PPM1G: variants seen among roughly 807,000 people sequenced by gnomAD.
The protein encoded by PPM1G is protein phosphatase, Mg2+/Mn2+ dependent 1G.
A neutral mutation model predicts 59.4 loss-of-function variants in PPM1G; 12 were observed. The ratio of observed to expected loss-of-function variants is 0.20; its 90% CI spans 0.13 to 0.33. The LOEUF (loss-of-function observed/expected upper bound fraction) is 0.33, where lower values mean the gene tolerates loss of function less well. Among genes scored for constraint, PPM1G ranks in the 10% least tolerant of loss-of-function variants. The probability of loss-of-function intolerance (pLI) is 1.00; values close to 1 mark genes in which losing one functional copy is unlikely to be tolerated. For missense variants in PPM1G, 392 were observed against 681.3 expected (o/e 0.58, Z 4.73); for synonymous variants, 245 against 251.9 (o/e 0.97, Z 0.26).
Position 27,383,267 on chromosome 2 carries a change from T to C in PPM1G, c.1201+99A>G. On this transcript the variant is annotated intron_variant, in intron 7 of 9. Transcript: ENST00000344034. The surrounding 1 kb of genome is among the most constrained non-coding windows in gnomAD (Gnocchi z 5.0). ...CAGAGGTAGTAGATATTAAAGTGCT[T>C]TGAAAGGCACAAGCACTAGGAAGAT... 1 of 1,077,020 alleles carries C rather than the reference T, an allele frequency of 9.3e-7. No individual in the cohort carries two copies. The highest frequency in any genetic ancestry group is 1.4e-6 in the Non-Finnish European group (1 of 722,520). The allele number at this position is 1,077,020 out of a possible 1,614,324, so 66.7% of individuals were successfully genotyped here.
chr2:27,395,246 A>G (rs1302839808), intron 1 of PPM1G, among the ~76,000 whole-genome samples: 1 of 147,154 alleles, frequency 6.8e-6, no homozygotes, highest in African/African-American at 2.6e-5. Flanking sequence ...AAAAAAAAAA[A>G]AAAAGAAAGA....
chr2:27,383,838 A>T lies in PPM1G; in HGVS notation c.966+114T>A. On this transcript the variant is annotated intron_variant, in intron 6 of 9. Transcript: ENST00000344034. The surrounding 1 kb of genome is among the most constrained non-coding windows in gnomAD (Gnocchi z 5.0). ...TCCCCTTGCAGAATAAATCCCCATGACTATTACTTCCATCCTAAAGTATCA... is the reference window on the plus strand; with the variant it reads ...TCCCCTTGCAGAATAAATCCCCATGTCTATTACTTCCATCCTAAAGTATCA... The T allele has an allele frequency of 6.9e-7, 1 of 1,445,722 alleles. No individual in the cohort carries two copies. The highest frequency in any genetic ancestry group is 9.3e-7 in the Non-Finnish European group (1 of 1,074,744). 89.6% of individuals were successfully genotyped at this position (1,445,722 alleles called of 1,614,324 possible). A position where few individuals can be genotyped will look rare whatever the true frequency, so the allele number is the denominator to read the frequency against.
At position 27,386,868 on chromosome 2, in the gene PPM1G, G is replaced by A. The variant is rs934104782; in HGVS notation, c.190+221C>T. On this transcript the variant is annotated intron_variant, in intron 2 of 9. Coordinates refer to ENST00000344034, the MANE Select transcript of PPM1G (RefSeq NM_177983.3). Reference sequence around the variant, plus strand: ...ATTTTAAAAAATAAAAATAAAAAAAGATAGAGGCTCTTTGGATTAAAACAA... The same window carrying A: ...ATTTTAAAAAATAAAAATAAAAAAAAATAGAGGCTCTTTGGATTAAAACAA... The A allele has an allele frequency of 9.7e-6, 4 of 411,186 alleles. No individual in the cohort carries two copies. In the Admixed American group the frequency reaches 1.2e-4, roughly 13 times the overall value. 25.5% of individuals were successfully genotyped at this position (411,186 alleles called of 1,614,324 possible).
In PPM1G at chr2:27,385,609, G is replaced by T; in HGVS notation, c.409+138C>A. ...CCTTTTCATAACCACATACAATGCA[G>T]GAGAACATCATAGGTTTCTTTAACA... On this transcript the variant is annotated intron_variant, in intron 4 of 9. Coordinates refer to ENST00000344034, the MANE Select transcript of PPM1G (RefSeq NM_177983.3). This position sits in a 1 kb window ranked among gnomAD's most constrained non-coding sequence, Gnocchi z 4.1. 9.1e-7 allele frequency: 1 copy of T among 1,102,916 alleles called. No homozygotes were observed. The highest frequency in any genetic ancestry group is 1.3e-6 in the Non-Finnish European group (1 of 785,906). The allele number at this position is 1,102,916 out of a possible 1,614,324, so 68.3% of individuals were successfully genotyped here. A position where few individuals can be genotyped will look rare whatever the true frequency, so the allele number is the denominator to read the frequency against.
At chr2:27,409,230 CCCAT>C in intron 1 of PPM1G, 69 bp downstream of exon 1, 1 of 1,496,412 alleles carries the variant, frequency 6.7e-7, no homozygotes, top group Non-Finnish European at 8.9e-7. Flanking sequence ...AGGGGAGGAC[CCCAT>C]CCCCCGCTCT....
chr2:27,385,662 C>T lies in PPM1G; in HGVS notation c.409+85G>A. 1 of 1,522,306 alleles carries T rather than the reference C, an allele frequency of 6.6e-7. No homozygotes were observed. Among genetic ancestry groups the T allele is most frequent in the Non-Finnish European group, 8.8e-7 (1 of 1,135,548 alleles). 94.3% of individuals were successfully genotyped at this position (1,522,306 alleles called of 1,614,324 possible). Reference sequence around the variant, plus strand: ...AGGACTCCCCAGGTCCCTAGAAAGCCATCCTATCTTAGAATTGATAAGTAA... The same window carrying T: ...AGGACTCCCCAGGTCCCTAGAAAGCTATCCTATCTTAGAATTGATAAGTAA... On this transcript the variant is annotated intron_variant, in intron 4 of 9. Coordinates refer to ENST00000344034, the MANE Select transcript of PPM1G (RefSeq NM_177983.3). The surrounding 1 kb of genome is among the most constrained non-coding windows in gnomAD (Gnocchi z 4.1).
In PPM1G at chr2:27,382,826, TTTG is replaced by T. The variant is rs1200876676; in HGVS notation, c.1202-224_1202-222del. Among the ~76,000 whole-genome samples, 3 of 114,488 alleles carry T rather than the reference TTTG, an allele frequency of 2.6e-5. No individual in the cohort carries two copies. The highest frequency in any genetic ancestry group is 1.4e-4 in the African/African-American group (3 of 21,918). The allele number at this position is 114,488 out of a possible 152,430, so 75.1% of individuals were successfully genotyped here. ...ACTGGTCTTTTTATTTTAAGTCTTT[TTTG>T]TTTTTTTTTTTTTGAGACGGAGTTT... On this transcript the variant is annotated intron_variant, in intron 7 of 9. Coordinates refer to ENST00000344034, the MANE Select transcript of PPM1G (RefSeq NM_177983.3). The surrounding 1 kb of genome is among the most constrained non-coding windows in gnomAD (Gnocchi z 4.2).
At chr2:27,399,679 T>C (rs987280662) in intron 1 of PPM1G, among the ~76,000 whole-genome samples, 4 of 151,996 alleles carry the variant, frequency 2.6e-5, no homozygotes, top group Non-Finnish European at 4.4e-5. Flanking sequence ...AAATCAAAAC[T>C]ACAATGAGAT....
Position 27,385,167 on chromosome 2 carries a change from T to TTGCAGCCTCTAACTTCCCCA in PPM1G, c.410-99_410-80dup. On this transcript the variant is annotated intron_variant, in intron 4 of 9. Coordinates refer to ENST00000344034, the MANE Select transcript of PPM1G (RefSeq NM_177983.3). The surrounding 1 kb of genome is among the most constrained non-coding windows in gnomAD (Gnocchi z 4.1). ...GTCCCTCTCACTACCTCAACAGCCCTTGCAGCCTCTAACTTCCCCACAACC... is the reference window on the plus strand; with the variant it reads ...GTCCCTCTCACTACCTCAACAGCCCTTGCAGCCTCTAACTTCCCCATGCAGCCTCTAACTTCCCCACAACC... 1.4e-6 allele frequency: 2 copies of TTGCAGCCTCTAACTTCCCCA among 1,470,768 alleles called. No individual in the cohort carries two copies. The highest frequency in any genetic ancestry group is 1.8e-6 in the Non-Finnish European group (2 of 1,108,800). 91.1% of individuals were successfully genotyped at this position (1,470,768 alleles called of 1,614,324 possible).
intron 2 of PPM1G, 95 bp from the exon 3 acceptor site, chr2:27,386,374 G>T: frequency 1.1e-6 from 1 of 877,598 alleles, no homozygotes. Context: ...GAACCCCAAG[G>T]GTTGAGGGGA....
chr2:27,393,152 C>T, intron 1 of PPM1G: 2 of 1,427,258 alleles, frequency 1.4e-6, no homozygotes, highest in Non-Finnish European at 2.0e-6. Context: ...GGTTCTACAG[C>T]TTCATCAATT....
rs370606240 is a variant in PPM1G at position 27,392,615 on chromosome 2, G to T, written c.121-5457C>A. Among the ~76,000 whole-genome samples the T allele has an allele frequency of 1.5e-3, 227 of 150,554 alleles. 5 individuals are homozygous for T. The highest frequency in any genetic ancestry group is 5.2e-3 in the African/African-American group (211 of 40,878). Reference sequence around the variant, plus strand: ...GCCCACAGTACATTTTTTTTTTGGGGGGGGGGAGGGTACCAAATTTATTTA... The same window carrying T: ...GCCCACAGTACATTTTTTTTTTGGGTGGGGGGAGGGTACCAAATTTATTTA... On this transcript the variant is annotated intron_variant, in intron 1 of 9. Transcript: ENST00000344034.
At chr2:27,408,564 A>G (rs1277205525) in intron 1 of PPM1G, among the ~76,000 whole-genome samples, 1 of 152,032 alleles carries the variant, frequency 6.6e-6, no homozygotes, top group East Asian at 1.9e-4. Flanking sequence ...ATGACTTACA[A>G]TCAAAGAAAC....
Position 27,382,302 on chromosome 2 carries a change from G to A in PPM1G, c.1332-74C>T, listed in dbSNP as rs1455145128. On this transcript the variant is annotated intron_variant, in intron 8 of 9. Coordinates refer to ENST00000344034, the MANE Select transcript of PPM1G (RefSeq NM_177983.3). The surrounding 1 kb of genome is among the most constrained non-coding windows in gnomAD (Gnocchi z 4.2). ...GTAGAGGAGTATGGACAGAGGTGGTGGCCCAGGCCAGTGTAAATAACTACA... is the reference window on the plus strand; with the variant it reads ...GTAGAGGAGTATGGACAGAGGTGGTAGCCCAGGCCAGTGTAAATAACTACA... 4 of 1,564,304 alleles carry A rather than the reference G, an allele frequency of 2.6e-6. No homozygotes were observed. The East Asian group carries it at 6.7e-5, about 26-fold the overall frequency.
At chr2:27,392,824 A>G (rs543406144) in intron 1 of PPM1G, 2 of 1,491,274 alleles carry the variant, frequency 1.3e-6, no homozygotes, top group African/African-American at 2.8e-5. Context: ...GTGCTTGTCA[A>G]AGAGGTATTC....
chr2:27,386,453 G>T, intron 2 of PPM1G, 174 bp from the exon 3 acceptor site: 2 of 468,968 alleles, frequency 4.3e-6, no homozygotes, highest in South Asian at 3.4e-5. Context: ...CCAAAAAAAT[G>T]GATTTCACCA....
chr2:27,409,493 G>T lies in PPM1G; in HGVS notation c.-71C>A, dbSNP rs1478207922. ...ACCCGTGCCGGAGCCGAAGCCCCGG[G>T]GGTGCGCGCGGCAGGAGCAGGCCCC... On this transcript the variant is annotated 5_prime_UTR_variant, in exon 1 of 10. Coordinates refer to ENST00000344034, the MANE Select transcript of PPM1G (RefSeq NM_177983.3). 3.6e-6 allele frequency: 5 copies of T among 1,379,588 alleles called. No individual in the cohort carries two copies. Among genetic ancestry groups the T allele is most frequent in the Non-Finnish European group, 4.7e-6 (5 of 1,071,054 alleles). 85.5% of individuals were successfully genotyped at this position (1,379,588 alleles called of 1,614,324 possible).
At position 27,385,677 on chromosome 2, in the gene PPM1G, T is replaced by C; in HGVS notation, c.409+70A>G. 1 of 1,554,504 alleles carries C rather than the reference T, an allele frequency of 6.4e-7. No individual in the cohort carries two copies. Among genetic ancestry groups the C allele is most frequent in the Non-Finnish European group, 8.7e-7 (1 of 1,153,374 alleles). On this transcript the variant is annotated intron_variant, in intron 4 of 9. Coordinates refer to ENST00000344034, the MANE Select transcript of PPM1G (RefSeq NM_177983.3). The surrounding 1 kb of genome is among the most constrained non-coding windows in gnomAD (Gnocchi z 4.1). The stretch of plus-strand genomic sequence containing the variant: ...CCTAGAAAGCCATCCTATCTTAGAA[T>C]TGATAAGTAATATTAAAGAATATTT...
intron 1 of PPM1G, chr2:27,393,085 T>C (rs1683955742): frequency 3.2e-6 from 4 of 1,263,884 alleles, no homozygotes; most frequent in African/African-American, 1.5e-5. Flanking sequence ...TCCCATCGCA[T>C]TCTCCCCGCA....
Sources: allele counts gnomAD v4.1 joint callset (sites outside exome capture counted in the v4.1 genomes callset), GRCh38; gene constraint gnomAD v4.1.1; non-coding constraint Gnocchi (gnomAD v3.1); transcripts MANE v1.5; gene names NCBI Gene and HGNC (gene_info 2026-07-23, HGNC 2026-07-21).